Variants in AGBL4 observed in about 807,000 individuals in gnomAD.
The protein encoded by AGBL4 is AGBL carboxypeptidase 4.
In AGBL4, 58 loss-of-function variants were observed where a neutral mutation model predicts 66.4. The observed-to-expected ratio is 0.87, with a 90% CI of 0.71 to 1.09. The LOEUF (loss-of-function observed/expected upper bound fraction) is 1.09. AGBL4 is among the 50% of genes least tolerant of loss of function. AGBL4 has a pLI of 0.00. For synonymous variants in AGBL4, 234 were observed against 222.9 expected (o/e 1.05, Z -0.44); for missense variants, 579 against 631.0 (o/e 0.92, Z 0.88).
chr1:49,223,559 T>C (rs910881702), intron 4 of AGBL4, among the ~76,000 whole-genome samples: 4 of 152,220 alleles, frequency 2.6e-5, no homozygotes, highest in African/African-American at 9.7e-5. Context: ...TTGTGAGGCC[T>C]AGTGCAAAAT....
chr1:49,635,707 A>G (rs1343912116), intron 3 of AGBL4, among the ~76,000 whole-genome samples: 1 of 152,204 alleles, frequency 6.6e-6, no homozygotes, highest in Non-Finnish European at 1.5e-5. Context: ...CTTCATACCC[A>G]TCAGAAATTC....
chr1:48,913,712 T>C (rs1653348867), intron 5 of AGBL4, among the ~76,000 whole-genome samples: 1 of 152,204 alleles, frequency 6.6e-6, no homozygotes, highest in Non-Finnish European at 1.5e-5. Context: ...CATTACATGT[T>C]ACAAAGTAAT....
At chr1:49,209,580 G>C (rs1001616773) in intron 4 of AGBL4, among the ~76,000 whole-genome samples, 26 of 152,118 alleles carry the variant, frequency 1.7e-4, no homozygotes, top group African/African-American at 6.3e-4. Flanking sequence ...GCAATTCACA[G>C]AGATAAGACA....
chr1:49,221,079 G>A (rs572781644), intron 4 of AGBL4, among the ~76,000 whole-genome samples: 1 of 152,180 alleles, frequency 6.6e-6, no homozygotes, highest in South Asian at 2.1e-4. Flanking sequence ...TAAAGCTAAA[G>A]AAAACTTAGG....
chr1:49,756,874 A>C (rs968515793), intron 2 of AGBL4, among the ~76,000 whole-genome samples: 23 of 152,070 alleles, frequency 1.5e-4, no homozygotes, highest in Non-Finnish European at 5.9e-5. Flanking sequence ...TTTATAAATT[A>C]CCCAGTCTTG....
intron 5 of AGBL4, among the ~76,000 whole-genome samples, chr1:48,985,156 A>C (rs562390686): frequency 6.6e-6 from 1 of 152,214 alleles, no homozygotes; most frequent in South Asian, 2.1e-4. Flanking sequence ...GATCACTGTG[A>C]GATGGAAAAC....
chr1:50,022,441 A>G (rs1164373532), intron 1 of AGBL4, among the ~76,000 whole-genome samples: 2 of 152,312 alleles, frequency 1.3e-5, no homozygotes, highest in African/African-American at 4.8e-5. Context: ...TGTTCAAGTT[A>G]TGAGGGAGCT....
intron 1 of AGBL4, among the ~76,000 whole-genome samples, chr1:49,898,777 T>G (rs914687343): frequency 6.6e-6 from 1 of 152,164 alleles, no homozygotes; most frequent in Non-Finnish European, 1.5e-5. Context: ...TAAAGTACTA[T>G]CCAGCCATAA....
At chr1:48,818,001 T>C (rs1646222145) in intron 6 of AGBL4, 1 of 711,050 alleles carries the variant, frequency 1.4e-6, no homozygotes, top group East Asian at 2.7e-5. Context: ...CCTGAGAGTC[T>C]GCAGTCTTAC....
chr1:49,364,061 C>T (rs950774821), intron 3 of AGBL4, among the ~76,000 whole-genome samples: 4 of 152,008 alleles, frequency 2.6e-5, no homozygotes, highest in Non-Finnish European at 5.9e-5. Flanking sequence ...GTTCAGTAAG[C>T]GGGAAGAAAT....
intron 11 of AGBL4, among the ~76,000 whole-genome samples, chr1:48,554,009 A>G (rs1314013532): frequency 1.3e-5 from 2 of 152,242 alleles, no homozygotes; most frequent in Non-Finnish European, 2.9e-5. Context: ...AGAACAGTGC[A>G]GCAAAGAAGA....
At position 48,835,799 on chromosome 1, in the gene AGBL4, C is replaced by T. The variant is rs17104950; in HGVS notation, c.634+31392G>A. 8.1e-3 allele frequency among the ~76,000 whole-genome samples: 1,239 copies of T among 152,228 alleles called. 17 individuals are homozygous for T. The highest frequency in any genetic ancestry group is 0.028 in the African/African-American group (1,178 of 41,528). Reference sequence around the variant, plus strand: ...TCTTCCAATAAGGAAATTTGAGAGACAACACTGATCCCAGCAGAGGGAATA... The same window carrying T: ...TCTTCCAATAAGGAAATTTGAGAGATAACACTGATCCCAGCAGAGGGAATA... On this transcript the variant is annotated intron_variant, in intron 6 of 13. Coordinates refer to ENST00000371839, the MANE Select transcript of AGBL4 (RefSeq NM_032785.4).
chr1:48,813,367 A>T (rs1368929485), intron 6 of AGBL4, among the ~76,000 whole-genome samples: 1 of 152,186 alleles, frequency 6.6e-6, no homozygotes, highest in African/African-American at 2.4e-5. Flanking sequence ...AAACAAAAAA[A>T]CTTCAGTTCA....
intron 1 of AGBL4, among the ~76,000 whole-genome samples, chr1:49,864,047 G>C (rs1428005965): frequency 1.3e-5 from 2 of 152,118 alleles, no homozygotes; most frequent in African/African-American, 4.8e-5. Flanking sequence ...AGAAAATGTG[G>C]TAGGTACATA....
intron 6 of AGBL4, among the ~76,000 whole-genome samples, chr1:48,801,912 T>G (rs1277393921): frequency 2.7e-4 from 1 of 3,680 alleles, no homozygotes; most frequent in Non-Finnish European, 0.019. Context: ...CATAATAACT[T>G]TTTTTTTTTT....
chr1:49,611,166 C>G (rs893016570), intron 3 of AGBL4, among the ~76,000 whole-genome samples: 3 of 152,082 alleles, frequency 2.0e-5, no homozygotes, highest in Non-Finnish European at 2.9e-5. Flanking sequence ...TCATTCTTTT[C>G]CCACCCTGTT....
At chr1:49,873,517 T>C (rs1646889651) in intron 1 of AGBL4, among the ~76,000 whole-genome samples, 1 of 150,250 alleles carries the variant, frequency 6.7e-6, no homozygotes, top group African/African-American at 2.4e-5. Flanking sequence ...CCTAAGCAGA[T>C]AGCTACAGAT....
rs561258359 is a variant in AGBL4 at position 49,285,004 on chromosome 1, A to G, written c.283-39140T>C. On this transcript the variant is annotated intron_variant, in intron 3 of 13. Transcript: ENST00000371839. ...ACAAGGATACCCAGGAATTGAACTC[A>G]GCTCTGCACCAAGCGGACCTAATAG... 2.4e-4 allele frequency among the ~76,000 whole-genome samples: 37 copies of G among 151,506 alleles called. No individual in the cohort carries two copies. In the South Asian group the frequency reaches 4.8e-3, roughly 20 times the overall value.
chr1:48,660,655 T>G lies in AGBL4; in HGVS notation c.724+2497A>C, dbSNP rs367699023. On this transcript the variant is annotated intron_variant, in intron 7 of 13. Transcript: ENST00000371839. ...CCTCTTACACTGCCTCAAGGAAGTA[T>G]GAATTGTGTGTCTCATGGGGCAGAT... Among the ~76,000 whole-genome samples, 3 of 152,258 alleles carry G rather than the reference T, an allele frequency of 2.0e-5. No homozygotes were observed. The East Asian group carries it at 5.8e-4, about 29-fold the overall frequency.
Sources: gnomAD v4.1 joint callset for allele counts (sites outside exome capture counted in the v4.1 genomes callset) on GRCh38, gnomAD v4.1.1 for gene constraint, MANE v1.5 for transcripts, NCBI Gene and HGNC (gene_info 2026-07-23, HGNC 2026-07-21) for gene names.